SOBP: variants seen among roughly 807,000 people sequenced by gnomAD.
SOBP encodes the protein sine oculis binding protein homolog.
In SOBP, 4 loss-of-function variants were observed where a neutral mutation model predicts 53.6. The ratio of observed to expected loss-of-function variants is 0.07; its 90% CI spans 0.04 to 0.17. The LOEUF (loss-of-function observed/expected upper bound fraction) is 0.17, where lower values mean the gene tolerates loss of function less well. SOBP is among the 10% of genes least tolerant of loss of function. The probability of loss-of-function intolerance (pLI) is 1.00; values close to 1 mark genes in which losing one functional copy is unlikely to be tolerated. For synonymous variants in SOBP, 584 were observed against 522.6 expected, an observed-to-expected ratio of 1.12 and a Z score of -1.60; for missense variants, 1,088 against 1,204.7, an observed-to-expected ratio of 0.90 and a Z score of 1.43.
intron 1 of SOBP, among the ~76,000 whole-genome samples, chr6:107,502,518 C>T (rs948926264): frequency 6.6e-6 from 1 of 152,008 alleles, no homozygotes; most frequent in Non-Finnish European, 1.5e-5. Flanking sequence ...TCCAATTATA[C>T]TTATTATTTT....
intron 1 of SOBP, among the ~76,000 whole-genome samples, chr6:107,495,060 C>A (rs2114932976): frequency 6.6e-6 from 1 of 152,334 alleles, no homozygotes; most frequent in Middle Eastern, 3.4e-3. Context: ...GCTGTTGAAA[C>A]TCTATCCTGG....
intron 4 of SOBP, among the ~76,000 whole-genome samples, chr6:107,582,616 TCA>T (rs1196024667): frequency 1.3e-5 from 2 of 151,742 alleles, no homozygotes; most frequent in Admixed American, 6.6e-5. Flanking sequence ...GTTCTGACAA[TCA>T]CATTTGTAGT....
chr6:107,630,848 C>G lies in SOBP; in HGVS notation c.670-2666C>G, dbSNP rs1200330629. 2.0e-5 allele frequency among the ~76,000 whole-genome samples: 3 copies of G among 152,036 alleles called. No individual in the cohort carries two copies. In the East Asian group the frequency reaches 5.8e-4, roughly 29 times the overall value. ...ACTACTTGAACACTTTGGGATGCTG[C>G]TGAAAATCAAGCAGCTAACCATAGG... On this transcript the variant is annotated intron_variant, in intron 5 of 6. Transcript: ENST00000317357.
chr6:107,605,678 C>G (rs1456916417), intron 5 of SOBP, among the ~76,000 whole-genome samples: 16 of 152,228 alleles, frequency 1.1e-4, no homozygotes, highest in Admixed American at 1.0e-3. Context: ...TCCTCAGACC[C>G]TGTGCCCTGG....
Position 107,512,643 on chromosome 6 carries a change from A to G in SOBP, c.421+6216A>G, listed in dbSNP as rs560891575. ...TTGTCAACTTCTGGTCAAAGTAGCC[A>G]GGGTAGACCCTGGCCCAGTTGAGAC... On this transcript the variant is annotated intron_variant, in intron 3 of 6. Transcript: ENST00000317357. Among the ~76,000 whole-genome samples, 330 of 152,378 alleles carry G rather than the reference A, an allele frequency of 2.2e-3. 3 individuals are homozygous for G. The highest frequency in any genetic ancestry group is 7.9e-4 in the Non-Finnish European group (54 of 68,044).
In SOBP at chr6:107,558,610, T is replaced by G. The variant is rs149901368; in HGVS notation, c.573+25000T>G. Among the ~76,000 whole-genome samples the G allele has an allele frequency of 6.5e-4, 99 of 152,088 alleles. 2 individuals carry two copies. The East Asian group carries it at 0.019, about 29-fold the overall frequency. Reference sequence around the variant, plus strand: ...AATAGCAAAGGGGCAGGGCGATTTATGTAACTCCTCTGTCATAAATCCTCT... The same window carrying G: ...AATAGCAAAGGGGCAGGGCGATTTAGGTAACTCCTCTGTCATAAATCCTCT... On this transcript the variant is annotated intron_variant, in intron 4 of 6. Transcript: ENST00000317357.
intron 3 of SOBP, among the ~76,000 whole-genome samples, chr6:107,524,072 C>G (rs1422908353): frequency 1.3e-5 from 2 of 152,224 alleles, no homozygotes; most frequent in South Asian, 4.1e-4. Flanking sequence ...TGAGCCCTTT[C>G]ATTAAAGAGC....
intron 5 of SOBP, among the ~76,000 whole-genome samples, chr6:107,624,277 A>C (rs1770359324): frequency 6.6e-6 from 1 of 152,126 alleles, no homozygotes; most frequent in South Asian, 2.1e-4. Context: ...TCTGGGCTCC[A>C]CCCTTTAAGA....
intron 5 of SOBP, among the ~76,000 whole-genome samples, chr6:107,616,094 GC>G (rs1786783764): frequency 2.8e-4 from 32 of 116,254 alleles, no homozygotes; most frequent in African/African-American, 1.0e-3. Context: ...TGGGGGGGGG[GC>G]GGGGGGGCGG....
At chr6:107,624,946 C>T (rs1045251626) in intron 5 of SOBP, among the ~76,000 whole-genome samples, 6 of 152,172 alleles carry the variant, frequency 3.9e-5, no homozygotes, top group African/African-American at 1.4e-4. Context: ...GTGCAAAAAA[C>T]CCTTGAGATA....
chr6:107,640,692 A>T (rs1484022790), intron 6 of SOBP, among the ~76,000 whole-genome samples: 3 of 152,212 alleles, frequency 2.0e-5, no homozygotes, highest in African/African-American at 7.2e-5. Context: ...TTTAATGTAC[A>T]AGCATCCAAC....
intron 1 of SOBP, among the ~76,000 whole-genome samples, chr6:107,498,338 C>T (rs1029114880): frequency 5.9e-5 from 9 of 152,146 alleles, no homozygotes; most frequent in African/African-American, 2.2e-4. Flanking sequence ...TTTGAAAACA[C>T]ATTGGCATTC....
Position 107,503,846 on chromosome 6 carries a change from C to T in SOBP, c.235+51C>T, listed in dbSNP as rs556353798. The T allele has an allele frequency of 6.8e-6, 11 of 1,606,912 alleles. 1 individual carries two copies. Among genetic ancestry groups the T allele is most frequent in the Admixed American group, 6.7e-5 (4 of 60,022 alleles). On this transcript the variant is annotated intron_variant, in intron 2 of 6. Transcript: ENST00000317357. ...TCATGCAAAGAAGGATTAACTATCT[C>T]AACCTGCCAGAATTGAGTTGCTTTG...
intron 5 of SOBP, among the ~76,000 whole-genome samples, chr6:107,618,183 T>C (rs1484933749): frequency 6.6e-6 from 1 of 152,118 alleles, no homozygotes; most frequent in African/African-American, 2.4e-5. Context: ...AATTAATGGG[T>C]AAATGACTGT....
intron 4 of SOBP, among the ~76,000 whole-genome samples, chr6:107,571,202 A>G (rs530289296): frequency 1.3e-5 from 2 of 152,318 alleles, no homozygotes; most frequent in South Asian, 4.2e-4. Context: ...TCACTTGGAA[A>G]TCTGGGTGGC....
chr6:107,538,616 T>C (rs1362351017), intron 4 of SOBP, among the ~76,000 whole-genome samples: 2 of 152,176 alleles, frequency 1.3e-5, no homozygotes, highest in African/African-American at 4.8e-5. Flanking sequence ...GGTTTTGCAG[T>C]GTTCCTTAGT....
chr6:107,603,324 A>G (rs1391433130), intron 5 of SOBP, among the ~76,000 whole-genome samples: 1 of 152,186 alleles, frequency 6.6e-6, no homozygotes, highest in Non-Finnish European at 1.5e-5. Context: ...CACCCCGTGT[A>G]CTTTCAAGGT....
intron 5 of SOBP, among the ~76,000 whole-genome samples, chr6:107,618,929 G>A (rs1718510121): frequency 2.0e-5 from 3 of 152,208 alleles, no homozygotes; most frequent in African/African-American, 7.2e-5. Context: ...AAACCACAAG[G>A]TGAAATGTAA....
chr6:107,646,020 G>A (rs1375161462), intron 6 of SOBP, among the ~76,000 whole-genome samples: 2 of 152,224 alleles, frequency 1.3e-5, no homozygotes, highest in Non-Finnish European at 2.9e-5. Flanking sequence ...ATTGGGCAAC[G>A]TCACTGTGGC....
Sources: allele counts gnomAD v4.1 joint callset (sites outside exome capture counted in the v4.1 genomes callset), GRCh38; gene constraint gnomAD v4.1.1; transcripts MANE v1.5; gene names NCBI Gene and HGNC (gene_info 2026-07-23, HGNC 2026-07-21).